Variants in RAB36 observed in about 807,000 individuals in gnomAD.
The protein encoded by RAB36 is ras-related protein Rab-36.
RAB36 carries 33 observed loss-of-function variants against 39.3 expected under a neutral mutation model. The observed-to-expected ratio is 0.84, with a 90% CI of 0.64 to 1.12. RAB36 has a LOEUF of 1.12. Among genes scored for constraint, RAB36 ranks in the 50% most tolerant of loss-of-function variants. The pLI is 0.00. For missense variants in RAB36, 308 were observed against 355.3 expected, an observed-to-expected ratio of 0.87 and a Z score of 1.07; for synonymous variants, 133 against 140.2, an observed-to-expected ratio of 0.95 and a Z score of 0.36.
chr22:23,145,615 G>A, intron 1 of RAB36, 64 bp downstream of exon 1: 1 of 1,520,028 alleles, frequency 6.6e-7, no homozygotes, highest in Non-Finnish European at 8.9e-7. Context: ...GGCACATCCC[G>A]AGGCCAGGGC....
chr22:23,145,967 C>T, intron 1 of RAB36: 2 of 985,212 alleles, frequency 2.0e-6, no homozygotes, highest in Non-Finnish European at 2.4e-6. Context: ...AGACTGGGAG[C>T]AGGAGACCCC....
rs929862804 is a variant in RAB36, at chr22:23,161,539, G to C, written c.779G>C (p.Arg260Thr). The C allele has an allele frequency of 5.0e-6, 8 of 1,612,422 alleles. No individual in the cohort carries two copies. The African/African-American group carries it at 8.0e-5, about 16-fold the overall frequency. The change falls in exon 11 of 11, where the codon AGG becomes ACG. Residue 260 changes from arginine (R) to threonine (T), a missense_variant. Transcript: ENST00000263116. ...GSPPETQESK[R>T]PSSLGCC ...CCGCCCGAGACCCAGGAGAGCAAGA[G>C]GCCCTCCAGCCTGGGCTGCTGCTAA... is the stretch of plus-strand genomic sequence containing the variant.
intron 5 of RAB36, among the ~76,000 whole-genome samples, chr22:23,155,487 T>G (rs5751592): frequency 6.6e-6 from 1 of 152,076 alleles, no homozygotes; most frequent in African/African-American, 2.4e-5. Flanking sequence ...TATCTCCAAC[T>G]CCTACTTTGG....
chr22:23,160,919 G>A lies in RAB36; in HGVS notation c.660G>A (p.Leu220=). ...VKAFFSRVAA[L]AFEQSVLQDL... ...CATTCTTCAGCCGCGTAGCCGCCCT[G>A]GCATTCGAGCAGTCGGTGCTGCAGG... Residue 220 remains leucine (L), a synonymous_variant, in exon 10 of 11, where the codon CTG becomes CTA. Transcript: ENST00000263116. The A allele has an allele frequency of 6.2e-7, 1 of 1,613,938 alleles. No individual in the cohort carries two copies. Among genetic ancestry groups the A allele is most frequent in the Non-Finnish European group, 8.5e-7 (1 of 1,179,940 alleles).
intron 7 of RAB36, 31 bp from the exon 8 acceptor site, chr22:23,158,867 G>A: frequency 6.3e-7 from 1 of 1,599,982 alleles, no homozygotes; most frequent in Non-Finnish European, 8.6e-7. Context: ...GAGGATGGGT[G>A]AATCTCTCAG....
chr22:23,164,533 G>A lies in RAB36; in HGVS notation c.*2969G>A, dbSNP rs191941760. Among the ~76,000 whole-genome samples, 42 of 152,210 alleles carry A rather than the reference G, an allele frequency of 2.8e-4. No individual in the cohort carries two copies. Among genetic ancestry groups the A allele is most frequent in the Admixed American group, 1.6e-3 (24 of 15,286 alleles). ...TCAGAATTGCTTCAGGGTGGTTTGC[G>A]CACCCTCACTTTGATGATTTAATGA... is the stretch of plus-strand genomic sequence containing the variant. On this transcript the variant is annotated 3_prime_UTR_variant, in exon 11 of 11. Coordinates refer to ENST00000263116, the MANE Select transcript of RAB36 (RefSeq NM_004914.5).
At position 23,161,573 on chromosome 22, in the gene RAB36, T is replaced by C. The variant is rs900708855; in HGVS notation, c.*9T>C. ...GCCTGGGCTGCTGCTAACTGGGGCC[T>C]GCGTGGAAGGCCTCCGCTCCCTGCA... is the stretch of plus-strand genomic sequence containing the variant. On this transcript the variant is annotated 3_prime_UTR_variant, in exon 11 of 11. Transcript: ENST00000263116. 1.3e-6 allele frequency: 2 copies of C among 1,599,412 alleles called. No homozygotes were observed. Among genetic ancestry groups the C allele is most frequent in the African/African-American group, 1.3e-5 (1 of 74,736 alleles).
intron 7 of RAB36, 87 bp from the exon 8 acceptor site, chr22:23,158,811 C>T (rs1260201700): frequency 3.6e-5 from 43 of 1,188,862 alleles, no homozygotes; most frequent in Non-Finnish European, 1.2e-6. Flanking sequence ...AGCACTTCAG[C>T]CCTGGGGAGG....
chr22:23,155,235 T>C (rs764947653), intron 5 of RAB36, among the ~76,000 whole-genome samples: 8 of 152,202 alleles, frequency 5.3e-5, no homozygotes, highest in African/African-American at 1.2e-4. Flanking sequence ...AAGCGATGGA[T>C]TGGGGAACAA....
chr22:23,146,105 G>A, intron 1 of RAB36: 2 of 838,292 alleles, frequency 2.4e-6, no homozygotes, highest in South Asian at 5.5e-5. Context: ...TCCCAGGCAG[G>A]GTGGGGCAGG....
At chr22:23,152,064 C>T (rs75662460) in intron 3 of RAB36, among the ~76,000 whole-genome samples, 2,785 of 152,320 alleles carry the variant, frequency 0.018, 93 homozygotes, top group African/African-American at 0.063. Flanking sequence ...TCTCCCTGCA[C>T]GTGGACCCTG....
downstream of RAB36, among the ~76,000 whole-genome samples, chr22:23,167,912 G>T (rs1025279704): frequency 1.3e-5 from 2 of 151,986 alleles, no homozygotes; most frequent in African/African-American, 4.8e-5. Context: ...GAGTGCAATG[G>T]CGTGATCATA....
At chr22:23,159,056 T>C (rs1274416814) in intron 8 of RAB36, 77 bp downstream of exon 8, 93 of 1,581,518 alleles carry the variant, frequency 5.9e-5, no homozygotes, top group Non-Finnish European at 8.0e-5. Flanking sequence ...GGAGGAGCCA[T>C]GGGGAGGGAG....
upstream of RAB36, chr22:23,145,350 G>T: frequency 3.7e-6 from 6 of 1,601,032 alleles, no homozygotes; most frequent in Non-Finnish European, 5.1e-6. Flanking sequence ...CAGACTCCAG[G>T]CAGGTTCTCG....
chr22:23,153,404 C>T, intron 5 of RAB36: 1 of 236,738 alleles, frequency 4.2e-6, no homozygotes, highest in Non-Finnish European at 6.9e-6. Flanking sequence ...ATGCCCACCC[C>T]ACTCCTCTTG....
At position 23,159,207 on chromosome 22, in the gene RAB36, G is replaced by C; in HGVS notation, c.573G>C (p.Leu191=). ...CEQAEADAVH[L]AREMQAEYWS... is the part of the protein sequence containing the mutation. Reference sequence around the variant, plus strand: ...AGGCCGAAGCAGACGCTGTGCACCTGGCCAGGGAGATGCAGGCCGAGTACT... The same window carrying C: ...AGGCCGAAGCAGACGCTGTGCACCTCGCCAGGGAGATGCAGGCCGAGTACT... Residue 191 remains leucine, a synonymous_variant, in exon 9 of 11, where the codon CTG becomes CTC. Coordinates refer to ENST00000263116, the MANE Select transcript of RAB36 (RefSeq NM_004914.5). The C allele has an allele frequency of 6.2e-7, 1 of 1,609,102 alleles. No individual in the cohort carries two copies. The highest frequency in any genetic ancestry group is 8.5e-7 in the Non-Finnish European group (1 of 1,178,136).
At chr22:23,158,146 T>G in intron 7 of RAB36, 103 bp downstream of exon 7, 1 of 1,549,984 alleles carries the variant, frequency 6.5e-7, no homozygotes, top group Non-Finnish European at 8.7e-7. Context: ...GTGGTGGGTG[T>G]GAGTGACCAG....
At chr22:23,146,182 C>T (rs1283689823) in intron 1 of RAB36, among the ~76,000 whole-genome samples, 1 of 152,192 alleles carries the variant, frequency 6.6e-6, no homozygotes, top group Non-Finnish European at 1.5e-5. Context: ...GCCCCATATT[C>T]CTGACAGAGA....
chr22:23,153,255 G>A (rs1022018733), intron 5 of RAB36, 121 bp downstream of exon 5: 10 of 760,800 alleles, frequency 1.3e-5, no homozygotes, highest in Admixed American at 9.4e-5. Context: ...GCAGAGCCTG[G>A]GGGTGTTGTG....
Sources: allele counts gnomAD v4.1 joint callset (sites outside exome capture counted in the v4.1 genomes callset), GRCh38; gene constraint gnomAD v4.1.1; transcripts MANE v1.5; gene names NCBI Gene and HGNC (gene_info 2026-07-23, HGNC 2026-07-21).